Variants in FBXL3 observed in about 807,000 individuals in gnomAD.
The protein encoded by FBXL3 is F-box and leucine rich repeat protein 3.
FBXL3 carries 14 observed loss-of-function variants against 37.9 expected under a neutral mutation model. That is an observed-to-expected ratio of 0.37 (90% CI 0.24 to 0.58). FBXL3 has a LOEUF of 0.58. FBXL3 is among the 20% of genes least tolerant of loss of function. The pLI, the probability that FBXL3 is intolerant of heterozygous loss-of-function variation, is 0.74. For missense variants in FBXL3, 327 were observed against 511.1 expected (o/e 0.64, Z 3.47); for synonymous variants, 194 against 180.1 (o/e 1.08, Z -0.62).
intron 2 of FBXL3, among the ~76,000 whole-genome samples, chr13:77,019,776 G>C (rs1460329418): frequency 6.6e-6 from 1 of 151,894 alleles, no homozygotes; most frequent in Non-Finnish European, 1.5e-5. Context: ...ACTATCAGGA[G>C]AGCCCAGAAG....
intron 2 of FBXL3, among the ~76,000 whole-genome samples, chr13:77,019,694 A>G (rs1180371445): frequency 6.6e-6 from 1 of 152,184 alleles, no homozygotes; most frequent in Non-Finnish European, 1.5e-5. Context: ...TTTGATGCAC[A>G]TAAAGTTAGA....
chr13:77,020,950 T>C (rs1380638808), intron 2 of FBXL3, among the ~76,000 whole-genome samples: 1 of 152,212 alleles, frequency 6.6e-6, no homozygotes, highest in Non-Finnish European at 1.5e-5. Flanking sequence ...ACTTCATTTA[T>C]CTCATCACTG....
chr13:77,008,364 G>C (rs1215790694), intron 4 of FBXL3, among the ~76,000 whole-genome samples: 2 of 152,158 alleles, frequency 1.3e-5, no homozygotes, highest in African/African-American at 2.4e-5. Flanking sequence ...ATATCACTAA[G>C]TATGTCAAAA....
chr13:77,018,633 T>C lies in FBXL3; in HGVS notation c.438A>G (p.Ser146=). The change falls in exon 3 of 5, where the codon TCA becomes TCG. Residue 146 remains serine, a synonymous_variant. Transcript: ENST00000355619. The part of the protein sequence containing the change: ...NCSLKTLGLI[S]TARPSFMDLP... ...AATCCATAAAGCTTGGTCGAGCAGT[T>C]GAAATAAGTCCAAGTGTTTTTAAAG... 1 of 1,597,796 alleles carries C rather than the reference T, an allele frequency of 6.3e-7. No individual in the cohort carries two copies. Among genetic ancestry groups the C allele is most frequent in the South Asian group, 1.1e-5 (1 of 87,808 alleles).
intron 1 of FBXL3, among the ~76,000 whole-genome samples, chr13:77,024,269 C>A (rs1035280395): frequency 2.0e-5 from 3 of 152,090 alleles, no homozygotes; most frequent in Admixed American, 6.6e-5. Context: ...TGAAGGCTTA[C>A]TTTAATTTTA....
At chr13:77,016,149 T>C (rs2034638910) in intron 3 of FBXL3, 1 of 152,300 alleles carries the variant, frequency 6.6e-6, no homozygotes, top group African/African-American at 2.4e-5. Context: ...TATTTTCAAG[T>C]CTTCTATTTT....
At chr13:77,008,941 G>A (rs1333145915) in intron 4 of FBXL3, 1 of 152,060 alleles carries the variant, frequency 6.6e-6, no homozygotes, top group Non-Finnish European at 1.5e-5. Context: ...TTAGAAACAG[G>A]GATAGGAACA....
intron 4 of FBXL3, 76 bp from the exon 5 acceptor site, chr13:77,007,864 C>G: frequency 7.6e-7 from 1 of 1,321,626 alleles, no homozygotes; most frequent in South Asian, 1.6e-5. Context: ...AGTACATGTC[C>G]CACAAAAGTT....
intron 1 of FBXL3, 169 bp downstream of exon 1, chr13:77,026,658 G>C (rs1284235806): frequency 6.6e-6 from 1 of 151,824 alleles, no homozygotes; most frequent in South Asian, 2.0e-4. Context: ...CCAAGGTCTG[G>C]GTGCCGCGCC....
Position 77,018,725 on chromosome 13 carries a change from T to G in FBXL3, c.349-3A>C, listed in dbSNP as rs760339456. The stretch of plus-strand genomic sequence containing the variant: ...GCTGATTCCTTGCTGCTGTCCACCT[T>G]AGAAAAGAAACACCGTTTACTCATG... On this transcript the variant is annotated splice_region_variant and splice_polypyrimidine_tract_variant and intron_variant, in intron 2 of 4. Coordinates refer to ENST00000355619, the MANE Select transcript of FBXL3 (RefSeq NM_012158.4). The G allele has an allele frequency of 1.3e-6, 2 of 1,549,948 alleles. No homozygotes were observed. Among genetic ancestry groups the G allele is most frequent in the Admixed American group, 2.2e-5 (1 of 46,320 alleles).
At chr13:77,014,627 CAAG>C (rs2034612209) in intron 4 of FBXL3, 1 of 152,102 alleles carries the variant, frequency 6.6e-6, no homozygotes, top group Non-Finnish European at 1.5e-5. Context: ...TTGGCAATGG[CAAG>C]AAGGTTGGAA....
chr13:77,026,053 G>A, intron 1 of FBXL3: 1 of 441,172 alleles, frequency 2.3e-6, no homozygotes, highest in Non-Finnish European at 3.0e-6. Context: ...ATATTTCAGA[G>A]ATAACAGAAA....
chr13:77,026,246 C>T lies in FBXL3; in HGVS notation c.-2+581G>A, dbSNP rs2034836056. 1.8e-5 allele frequency: 18 copies of T among 985,280 alleles called. No homozygotes were observed. In the South Asian group the frequency reaches 8.0e-4, roughly 44 times the overall value. The allele number at this position is 985,280 out of a possible 1,614,324, so 61.0% of individuals were successfully genotyped here. Reference sequence around the variant, plus strand: ...TCTGCAACCCCACCTAAAGGACTGCCCACGCCAAAGGCAGACGCGAATCCG... The same window carrying T: ...TCTGCAACCCCACCTAAAGGACTGCTCACGCCAAAGGCAGACGCGAATCCG... On this transcript the variant is annotated intron_variant, in intron 1 of 4. Coordinates refer to ENST00000355619, the MANE Select transcript of FBXL3 (RefSeq NM_012158.4).
chr13:77,007,845 A>G, intron 4 of FBXL3, 57 bp from the exon 5 acceptor site: 1 of 1,470,630 alleles, frequency 6.8e-7, no homozygotes, highest in Non-Finnish European at 9.1e-7. Context: ...CTGTTGAAAA[A>G]TTCAATCAAG....
At chr13:77,024,665 G>A (rs902562794) in intron 1 of FBXL3, among the ~76,000 whole-genome samples, 1 of 152,102 alleles carries the variant, frequency 6.6e-6, no homozygotes, top group African/African-American at 2.4e-5. Context: ...TCCAAGTTCA[G>A]GTTAAAGAAG....
At position 77,015,590 on chromosome 13, in the gene FBXL3, A is replaced by C. The variant is rs599115; in HGVS notation, c.472-10T>G. On this transcript the variant is annotated splice_polypyrimidine_tract_variant and intron_variant, in intron 3 of 4. Transcript: ENST00000355619. Reference sequence around the variant, plus strand: ...CAGAGATAAAGTGAGACTGAAAAGCAAAAAAAATAAAATAAAAATTATTTC... The same window carrying C: ...CAGAGATAAAGTGAGACTGAAAAGCCAAAAAAATAAAATAAAAATTATTTC... The C allele has an allele frequency of 0.61, 902,221 of 1,467,074 alleles. 290,693 individuals are homozygous for C. Among genetic ancestry groups the C allele is most frequent in the Non-Finnish European group, 0.67 (742,238 of 1,104,800 alleles). The allele number at this position is 1,467,074 out of a possible 1,614,324, so 90.9% of individuals were successfully genotyped here.
intron 1 of FBXL3, among the ~76,000 whole-genome samples, chr13:77,024,077 G>A (rs1356425310): frequency 3.3e-5 from 5 of 152,226 alleles, no homozygotes; most frequent in Non-Finnish European, 7.3e-5. Context: ...CAGCAAGAAG[G>A]TAGTCTGATG....
At chr13:77,015,739 G>T in intron 3 of FBXL3, 159 bp from the exon 4 acceptor site, 2 of 411,210 alleles carry the variant, frequency 4.9e-6, no homozygotes, top group Non-Finnish European at 8.4e-6. Flanking sequence ...TGGGAATATG[G>T]TAAAAATAGG....
chr13:77,008,656 A>C (rs1001863926), intron 4 of FBXL3: 2 of 152,446 alleles, frequency 1.3e-5, no homozygotes, highest in African/African-American at 4.8e-5. Context: ...GGGTTCAAGC[A>C]ATTCTCTTGC....
Sources: allele counts gnomAD v4.1 joint callset (sites outside exome capture counted in the v4.1 genomes callset), GRCh38; gene constraint gnomAD v4.1.1; transcripts MANE v1.5; gene names NCBI Gene and HGNC (gene_info 2026-07-23, HGNC 2026-07-21).